The following INSC variants were observed in gnomAD, a reference collection of about 807,000 sequenced individuals.
INSC encodes protein inscuteable homolog.
A neutral mutation model predicts 58.6 loss-of-function variants in INSC; 67 were observed. The ratio of observed to expected loss-of-function variants is 1.14; its 90% CI spans 0.94 to 1.40. INSC has a LOEUF of 1.40. Ranked by LOEUF, INSC falls within the 40% of genes most tolerant of loss-of-function variation. The pLI, the probability that INSC is intolerant of heterozygous loss-of-function variation, is 0.00. For synonymous variants in INSC, 262 were observed against 276.1 expected (o/e 0.95, Z 0.51); for missense variants, 714 against 692.0 (o/e 1.03, Z -0.36).
At chr11:15,158,761 G>A (rs1375252152) in intron 2 of INSC, among the ~76,000 whole-genome samples, 2 of 151,826 alleles carry the variant, frequency 1.3e-5, no homozygotes, top group African/African-American at 4.8e-5. Context: ...CAGGCTTAAA[G>A]GAGATAATAT....
intron 2 of INSC, among the ~76,000 whole-genome samples, chr11:15,160,466 A>G (rs910139605): frequency 6.6e-6 from 1 of 152,154 alleles, no homozygotes; most frequent in Non-Finnish European, 1.5e-5. Flanking sequence ...AGCTATCAAG[A>G]GGAGGGAGTG....
intron 12 of INSC, 24 bp downstream of exon 12, chr11:15,240,547 C>G: frequency 6.2e-7 from 1 of 1,603,826 alleles, no homozygotes; most frequent in Non-Finnish European, 8.5e-7. Context: ...CTTCCCCCAG[C>G]TTTTCCCCTG....
At chr11:15,112,619 TGTGTGTG>T, upstream of INSC, 1 of 524,402 alleles carries the variant, frequency 1.9e-6, no homozygotes, top group Non-Finnish European at 2.8e-6. Context: ...TGTGTGTGTG[TGTGTGTG>T]TGTGTGTGTG....
At chr11:15,253,748 G>A in the INSC span, among the ~76,000 whole-genome samples, 2 of 151,988 alleles carry the variant, frequency 1.3e-5, no homozygotes, top group Admixed American at 1.3e-4. Flanking sequence ...GCCCATAGCA[G>A]GTGGGAGAAT....
chr11:15,246,156 T>C lies in INSC; in HGVS notation c.*116T>C. 8.9e-7 allele frequency: 1 copy of C among 1,126,250 alleles called. No individual in the cohort carries two copies. Among genetic ancestry groups the C allele is most frequent in the Non-Finnish European group, 1.2e-6 (1 of 811,254 alleles). 69.8% of individuals were successfully genotyped at this position (1,126,250 alleles called of 1,614,324 possible). ...CATCTTCTTATTTATACTTAACTTA[T>C]TTTTGTGTGAAATAAATGGAGGACA... On this transcript the variant is annotated 3_prime_UTR_variant, in exon 13 of 13. Transcript: ENST00000379556.
At position 15,239,093 on chromosome 11, in the gene INSC, C is replaced by T; in HGVS notation, c.1393+19C>T. 4 of 1,601,774 alleles carry T rather than the reference C, an allele frequency of 2.5e-6. No individual in the cohort carries two copies. Among genetic ancestry groups the T allele is most frequent in the Non-Finnish European group, 3.4e-6 (4 of 1,174,100 alleles). ...CTCAGCTGTGAGTGGTGCTTTCTGGCTGTGGCTGGAGTGGAGTGGGGGTAT... is the reference window on the plus strand; with the variant it reads ...CTCAGCTGTGAGTGGTGCTTTCTGGTTGTGGCTGGAGTGGAGTGGGGGTAT... On this transcript the variant is annotated intron_variant, in intron 11 of 12. Transcript: ENST00000379556.
At position 15,200,865 on chromosome 11, in the gene INSC, C is replaced by A; in HGVS notation, c.735C>A (p.Asp245Glu). ...CACTCTTCAAGGTTTGCCGGCAGGA[C>A]AGTTTCCGGTGCTTGTACCCCCAGG... ...VVALFKVCRQ[D>E]SFRCLYPQAL... The change falls in exon 7 of 13, where the codon GAC (aspartate) becomes GAA (glutamate). Residue 245 changes from aspartate to glutamate, a missense_variant. By Grantham distance (45) the Asp-to-Glu change is conservative. Coordinates refer to ENST00000379556, the MANE Select transcript of INSC (RefSeq NM_001042536.3). 1 of 1,613,996 alleles carries A rather than the reference C, an allele frequency of 6.2e-7. No homozygotes were observed. Among genetic ancestry groups the A allele is most frequent in the Admixed American group, 1.7e-5 (1 of 60,010 alleles).
At chr11:15,113,081 T>C (rs1298852390), upstream of INSC, among the ~76,000 whole-genome samples, 1 of 149,926 alleles carries the variant, frequency 6.7e-6, no homozygotes, top group Non-Finnish European at 1.5e-5. Flanking sequence ...CCTCCCTTCC[T>C]TTCTTCCTTC....
At chr11:15,188,434 T>TA (rs2133855621) in intron 5 of INSC, 4 of 758,516 alleles carry the variant, frequency 5.3e-6, no homozygotes, top group South Asian at 1.2e-4. Flanking sequence ...CAAGACCACA[T>TA]AGGTAACCTT....
intron 1 of INSC, among the ~76,000 whole-genome samples, chr11:15,134,744 GTTGT>G (rs948221883): frequency 1.8e-4 from 27 of 152,112 alleles, no homozygotes; most frequent in African/African-American, 5.1e-4. Context: ...GGCTTAACAT[GTTGT>G]TTATTTCTTG....
intron 7 of INSC, among the ~76,000 whole-genome samples, chr11:15,213,140 G>GTTT (rs34834597): frequency 5.4e-5 from 8 of 147,468 alleles, no homozygotes; most frequent in African/African-American, 1.7e-4. Context: ...TACTTGAGGA[G>GTTT]TTTTTTTTTT....
chr11:15,241,547 C>T (rs1455413049), intron 12 of INSC: 13 of 702,218 alleles, frequency 1.9e-5, no homozygotes, highest in South Asian at 4.5e-5. Flanking sequence ...AATGATTCTG[C>T]GTTCCATTCA....
chr11:15,252,860 C>G, the INSC span, among the ~76,000 whole-genome samples: 1 of 152,184 alleles, frequency 6.6e-6, no homozygotes, highest in African/African-American at 2.4e-5. Flanking sequence ...TAGTCACATT[C>G]ATGTTCTCCA....
chr11:15,243,167 TG>T (rs1852423512), intron 12 of INSC, among the ~76,000 whole-genome samples: 1 of 152,196 alleles, frequency 6.6e-6, no homozygotes, highest in African/African-American at 2.4e-5. Context: ...GGGGTGTCCA[TG>T]GTTTGTCCCT....
chr11:15,214,351 G>T (rs10766214), intron 7 of INSC, among the ~76,000 whole-genome samples: 39,257 of 152,052 alleles, frequency 0.26, 6,078 homozygotes, highest in East Asian at 0.73. Context: ...CTATGGCTGC[G>T]TTTTCAGTGC....
chr11:15,204,818 G>A (rs1472586729), intron 7 of INSC, among the ~76,000 whole-genome samples: 2 of 152,180 alleles, frequency 1.3e-5, no homozygotes, highest in Non-Finnish European at 2.9e-5. Flanking sequence ...ATTGGCAGTG[G>A]GAAACGTGCT....
chr11:15,190,120 G>C (rs1850108512), intron 5 of INSC, among the ~76,000 whole-genome samples: 1 of 152,082 alleles, frequency 6.6e-6, no homozygotes, highest in East Asian at 1.9e-4. Context: ...TCCCAGTGTT[G>C]CTATTTCATC....
At chr11:15,267,400 A>G in the INSC span, among the ~76,000 whole-genome samples, 5 of 151,970 alleles carry the variant, frequency 3.3e-5, no homozygotes, top group African/African-American at 1.2e-4. Flanking sequence ...AATTTCCCAC[A>G]GCTCACTCAT....
chr11:15,139,279 C>T (rs956542786), intron 1 of INSC, among the ~76,000 whole-genome samples: 14 of 152,160 alleles, frequency 9.2e-5, no homozygotes, highest in African/African-American at 1.7e-4. Context: ...TATGTCTATT[C>T]GTGGCAGTCA....
Sources: allele counts gnomAD v4.1 joint callset (sites outside exome capture counted in the v4.1 genomes callset), GRCh38; gene constraint gnomAD v4.1.1; transcripts MANE v1.5; gene names NCBI Gene and HGNC (gene_info 2026-07-23, HGNC 2026-07-21).